The following SLIT3 variants were observed in gnomAD, a reference collection of about 807,000 sequenced individuals.
SLIT3 encodes slit guidance ligand 3, also known as slit homolog 3 protein.
In SLIT3, 68 loss-of-function variants were observed where a neutral mutation model predicts 184.0. The observed-to-expected ratio is 0.37, with a 90% CI of 0.30 to 0.45. The LOEUF (loss-of-function observed/expected upper bound fraction) is 0.45. SLIT3 is among the 20% of genes least tolerant of loss of function. The pLI is 1.00. For synonymous variants in SLIT3, 831 were observed against 828.6 expected (o/e 1.00, Z -0.05); for missense variants, 1,707 against 2,026.0 (o/e 0.84, Z 3.02).
At chr5:168,670,272 A>G (rs1375047999) in intron 34 of SLIT3, among the ~76,000 whole-genome samples, 1 of 152,220 alleles carries the variant, frequency 6.6e-6, no homozygotes, top group African/African-American at 2.4e-5. Context: ...CAAGTAGCAA[A>G]CAACTGCTTG....
intron 1 of SLIT3, among the ~76,000 whole-genome samples, chr5:169,253,247 C>T (rs1227752519): frequency 6.6e-6 from 1 of 152,174 alleles, no homozygotes; most frequent in Non-Finnish European, 1.5e-5. Flanking sequence ...ACCTTGACAA[C>T]TGTGAATATG....
Position 168,665,731 on chromosome 5 carries a change from C to G in SLIT3, c.*723G>C, listed in dbSNP as rs2277932. On this transcript the variant is annotated 3_prime_UTR_variant, in exon 36 of 36. Transcript: ENST00000519560. ...GGTTCAGATACGGAAGCCAGGGCCA[C>G]CCAGGAAGGAGAAGAGGGGTCCCCC... is the stretch of plus-strand genomic sequence containing the variant. 12,742 of 149,052 alleles carry G rather than the reference C, an allele frequency of 0.085. 1,075 individuals are homozygous for G. Among genetic ancestry groups the G allele is most frequent in the Admixed American group, 0.21 (3,159 of 15,002 alleles). 9.2% of individuals were successfully genotyped at this position (149,052 alleles called of 1,614,324 possible).
intron 4 of SLIT3, among the ~76,000 whole-genome samples, chr5:168,920,084 T>G (rs148861831): frequency 9.2e-5 from 14 of 152,322 alleles, no homozygotes; most frequent in African/African-American, 2.9e-4. Flanking sequence ...CTCTAGCACC[T>G]TGCATTGCTG....
intron 4 of SLIT3, among the ~76,000 whole-genome samples, chr5:168,907,757 T>C (rs1235136462): frequency 6.6e-6 from 1 of 151,868 alleles, no homozygotes; most frequent in African/African-American, 2.4e-5. Context: ...TTTCTTTCAG[T>C]CTTTCTTCTA....
chr5:168,748,704 G>A (rs1206022989), intron 19 of SLIT3, among the ~76,000 whole-genome samples: 4 of 152,140 alleles, frequency 2.6e-5, no homozygotes, highest in African/African-American at 7.2e-5. Context: ...GGAATAAGCC[G>A]AATTGATTGA....
chr5:168,776,753 A>C (rs1022968449), intron 12 of SLIT3, among the ~76,000 whole-genome samples: 1 of 152,174 alleles, frequency 6.6e-6, no homozygotes, highest in African/African-American at 2.4e-5. Context: ...TAGAGCAGAG[A>C]AACAGGGAGA....
intron 27 of SLIT3, among the ~76,000 whole-genome samples, chr5:168,700,215 TG>T (rs1417886983): frequency 6.6e-6 from 1 of 152,216 alleles, no homozygotes; most frequent in Non-Finnish European, 1.5e-5. Flanking sequence ...ATGGTTTGGC[TG>T]GGTCCCTACC....
chr5:168,947,856 G>A (rs1762532439), intron 4 of SLIT3, among the ~76,000 whole-genome samples: 1 of 151,942 alleles, frequency 6.6e-6, no homozygotes, highest in Non-Finnish European at 1.5e-5. Flanking sequence ...GTACAATCTC[G>A]ATCTTGGCTC....
chr5:168,830,979 G>A (rs1302195616), intron 6 of SLIT3, among the ~76,000 whole-genome samples: 1 of 152,100 alleles, frequency 6.6e-6, no homozygotes, highest in Non-Finnish European at 1.5e-5. Context: ...CTGCTCCAAG[G>A]CAACAGCACT....
intron 4 of SLIT3, among the ~76,000 whole-genome samples, chr5:168,912,958 C>A (rs556086458): frequency 5.1e-4 from 78 of 152,314 alleles, no homozygotes; most frequent in African/African-American, 1.8e-3. Flanking sequence ...TCCACCCTGT[C>A]TGGCTGGTTT....
At chr5:168,871,305 T>C (rs1296200265) in intron 5 of SLIT3, among the ~76,000 whole-genome samples, 2 of 152,338 alleles carry the variant, frequency 1.3e-5, no homozygotes, top group East Asian at 3.9e-4. Context: ...TGTAATCCTT[T>C]TTGCTATGTG....
At chr5:169,200,839 T>C (rs1022065519) in intron 3 of SLIT3, among the ~76,000 whole-genome samples, 5 of 152,152 alleles carry the variant, frequency 3.3e-5, no homozygotes, top group Non-Finnish European at 7.3e-5. Flanking sequence ...GCAAACTGGA[T>C]GTAATCTGAG....
chr5:168,996,876 G>A (rs1433252598), intron 4 of SLIT3, among the ~76,000 whole-genome samples: 2 of 152,212 alleles, frequency 1.3e-5, no homozygotes, highest in African/African-American at 4.8e-5. Flanking sequence ...GGTGGCCTGA[G>A]CCGGGTGGAG....
intron 4 of SLIT3, among the ~76,000 whole-genome samples, chr5:168,922,871 A>G (rs921553924): frequency 2.0e-5 from 3 of 152,102 alleles, no homozygotes; most frequent in Non-Finnish European, 2.9e-5. Flanking sequence ...TGCTAGGTGA[A>G]CTCTCACTAT....
At chr5:169,123,381 T>G (rs1404644705) in intron 4 of SLIT3, among the ~76,000 whole-genome samples, 1 of 151,990 alleles carries the variant, frequency 6.6e-6, no homozygotes, top group East Asian at 1.9e-4. Context: ...CAAGAAGGAA[T>G]GAGATGATGT....
intron 5 of SLIT3, among the ~76,000 whole-genome samples, chr5:168,857,241 C>T (rs1041525968): frequency 2.0e-4 from 31 of 152,144 alleles, no homozygotes; most frequent in African/African-American, 7.2e-4. Flanking sequence ...ATTTCTAATT[C>T]CTTCCCTGAT....
intron 20 of SLIT3, among the ~76,000 whole-genome samples, chr5:168,740,986 G>A (rs538648494): frequency 1.3e-5 from 2 of 152,150 alleles, no homozygotes; most frequent in African/African-American, 4.8e-5. Context: ...CCAAGGGAAG[G>A]GCAGGAAGCT....
chr5:168,904,788 A>T (rs1275892548), intron 4 of SLIT3, among the ~76,000 whole-genome samples: 4 of 152,318 alleles, frequency 2.6e-5, no homozygotes, highest in South Asian at 4.1e-4. Flanking sequence ...TTTCAGCAGC[A>T]CAAGGACGCC....
chr5:168,750,317 G>C (rs1031538655), intron 18 of SLIT3, among the ~76,000 whole-genome samples: 12 of 152,204 alleles, frequency 7.9e-5, no homozygotes, highest in Non-Finnish European at 1.8e-4. Context: ...TACAGGACTG[G>C]GACCATGCCA....
Sources: gnomAD v4.1 joint callset for allele counts (sites outside exome capture counted in the v4.1 genomes callset) on GRCh38, gnomAD v4.1.1 for gene constraint, MANE v1.5 for transcripts, NCBI Gene and HGNC (gene_info 2026-07-23, HGNC 2026-07-21) for gene names.